MCTP1: variants seen among roughly 807,000 people sequenced by gnomAD.
MCTP1 encodes the protein multiple C2 and transmembrane domain-containing protein 1.
MCTP1 carries 69 observed loss-of-function variants against 120.6 expected under a neutral mutation model. That is an observed-to-expected ratio of 0.57 (90% confidence interval 0.47 to 0.70). The LOEUF is 0.70. Ranked by LOEUF, MCTP1 falls within the 30% of genes least tolerant of loss-of-function variation. The pLI, the probability that MCTP1 is intolerant of heterozygous loss-of-function variation, is 0.00. For missense variants in MCTP1, 1,203 were observed against 1,248.8 expected, an observed-to-expected ratio of 0.96 and a Z score of 0.55; for synonymous variants, 529 against 493.1, an observed-to-expected ratio of 1.07 and a Z score of -0.96.
chr5:95,146,244 G>C (rs1296345102), intron 1 of MCTP1, among the ~76,000 whole-genome samples: 1 of 151,968 alleles, frequency 6.6e-6, no homozygotes, highest in Non-Finnish European at 1.5e-5. Context: ...TGCCACCTTT[G>C]TCATTTCTGA....
At chr5:95,262,900 A>T (rs1388001926) in intron 1 of MCTP1, among the ~76,000 whole-genome samples, 3 of 152,208 alleles carry the variant, frequency 2.0e-5, no homozygotes, top group African/African-American at 7.2e-5. Context: ...TAGACAAATC[A>T]TATATTTGTT....
rs11953163 is a variant in MCTP1, at chr5:95,081,817, T to C, written c.721-64333A>G. The C allele has an allele frequency of 0.018, 18,494 of 1,041,948 alleles. 2,568 individuals carry two copies. The African/African-American group carries it at 0.29, about 16-fold the overall frequency. The allele number at this position is 1,041,948 out of a possible 1,614,324, so 64.5% of individuals were successfully genotyped here. The stretch of plus-strand genomic sequence containing the variant: ...AATACTCACATTAAATACTAAAAAC[T>C]TCACCTGCTAAATCAAACATGCAGT... On this transcript the variant is annotated intron_variant, in intron 1 of 22. Coordinates refer to ENST00000515393, the MANE Select transcript of MCTP1 (RefSeq NM_024717.7).
At chr5:95,211,657 A>T (rs1752391315) in intron 1 of MCTP1, among the ~76,000 whole-genome samples, 1 of 152,176 alleles carries the variant, frequency 6.6e-6, no homozygotes, top group Admixed American at 6.5e-5. Flanking sequence ...GATCATCTGA[A>T]GCCTTCTTCA....
At chr5:94,738,521 C>G (rs988847301) in intron 19 of MCTP1, among the ~76,000 whole-genome samples, 2 of 152,114 alleles carry the variant, frequency 1.3e-5, no homozygotes, top group African/African-American at 2.4e-5. Flanking sequence ...AACATTCTAC[C>G]TGAAGCAGCA....
At chr5:95,157,970 C>T (rs1177925940) in intron 1 of MCTP1, among the ~76,000 whole-genome samples, 1 of 152,178 alleles carries the variant, frequency 6.6e-6, no homozygotes, top group African/African-American at 2.4e-5. Context: ...TCTGCCAACC[C>T]CTGTTGTAGT....
At chr5:95,165,977 A>G (rs331576) in intron 1 of MCTP1, 44,500 of 151,898 alleles carry the variant, frequency 0.29, 6,977 homozygotes, top group East Asian at 0.59. Context: ...CAAGGTCTCC[A>G]TAACCCCCCA....
At chr5:94,855,002 A>G (rs954435851) in intron 17 of MCTP1, among the ~76,000 whole-genome samples, 2 of 151,788 alleles carry the variant, frequency 1.3e-5, no homozygotes, top group Admixed American at 6.6e-5. Flanking sequence ...TGGGTGTTTC[A>G]TCATCCACAA....
At chr5:95,025,222 A>G (rs1289589185) in intron 1 of MCTP1, among the ~76,000 whole-genome samples, 1 of 152,192 alleles carries the variant, frequency 6.6e-6, no homozygotes, top group Non-Finnish European at 1.5e-5. Context: ...AAATAGACAT[A>G]CTAACAAATG....
At chr5:95,044,151 T>C (rs1842793144) in intron 1 of MCTP1, among the ~76,000 whole-genome samples, 1 of 152,168 alleles carries the variant, frequency 6.6e-6, no homozygotes, top group Admixed American at 6.6e-5. Context: ...TGAGGGTGTA[T>C]GTCATGGAAT....
chr5:95,107,086 A>C (rs1241023066), intron 1 of MCTP1, among the ~76,000 whole-genome samples: 1 of 152,246 alleles, frequency 6.6e-6, no homozygotes, highest in Non-Finnish European at 1.5e-5. Flanking sequence ...GTTGAGTGTT[A>C]ATTATGATAG....
intron 19 of MCTP1, among the ~76,000 whole-genome samples, chr5:94,746,207 G>GA (rs1766859792): frequency 6.6e-6 from 1 of 152,132 alleles, no homozygotes; most frequent in African/African-American, 2.4e-5. Context: ...ATTAGCAAGG[G>GA]AAAATGGGGA....
intron 1 of MCTP1, among the ~76,000 whole-genome samples, chr5:95,042,838 AG>A (rs1278983690): frequency 2.0e-5 from 3 of 152,318 alleles, no homozygotes; most frequent in African/African-American, 7.2e-5. Flanking sequence ...AAAGACACTT[AG>A]TATTCTATTG....
chr5:95,026,717 C>T (rs967601776), intron 1 of MCTP1, among the ~76,000 whole-genome samples: 2 of 152,096 alleles, frequency 1.3e-5, no homozygotes, highest in Non-Finnish European at 2.9e-5. Context: ...CTGGTGTGCT[C>T]TTAGTATTAC....
chr5:94,823,776 A>G (rs184872537), intron 17 of MCTP1, among the ~76,000 whole-genome samples: 240 of 152,262 alleles, frequency 1.6e-3, no homozygotes, highest in African/African-American at 5.2e-3. Flanking sequence ...TGTAAGCTGT[A>G]TTCCTAGGTA....
chr5:94,867,010 T>G (rs1372534415), intron 17 of MCTP1: 3 of 218,844 alleles, frequency 1.4e-5, no homozygotes, highest in African/African-American at 6.8e-5. Context: ...CAGGACAATT[T>G]TTTTTTGCAT....
chr5:94,814,604 TC>T (rs1207390545), intron 17 of MCTP1, among the ~76,000 whole-genome samples: 1 of 152,100 alleles, frequency 6.6e-6, no homozygotes, highest in Non-Finnish European at 1.5e-5. Flanking sequence ...AGTTCTAAAT[TC>T]CTATGAAAAA....
At chr5:94,976,149 G>C (rs538238201) in intron 2 of MCTP1, among the ~76,000 whole-genome samples, 9 of 152,226 alleles carry the variant, frequency 5.9e-5, no homozygotes, top group African/African-American at 2.2e-4. Context: ...TATCACAAGA[G>C]TACTGTGCTA....
intron 1 of MCTP1, among the ~76,000 whole-genome samples, chr5:95,239,890 T>C (rs956890360): frequency 2.0e-5 from 3 of 152,140 alleles, no homozygotes; most frequent in African/African-American, 7.2e-5. Context: ...TTTTTTATTA[T>C]GTCAAATTGA....
chr5:95,055,902 C>A (rs759859848), intron 1 of MCTP1, among the ~76,000 whole-genome samples: 1 of 152,158 alleles, frequency 6.6e-6, no homozygotes, highest in Non-Finnish European at 1.5e-5. Context: ...CATTAGTTAG[C>A]TACCATGATC....
Sources: gnomAD v4.1 joint callset for allele counts (sites outside exome capture counted in the v4.1 genomes callset) on GRCh38, gnomAD v4.1.1 for gene constraint, MANE v1.5 for transcripts, NCBI Gene and HGNC (gene_info 2026-07-23, HGNC 2026-07-21) for gene names.